The following SEMA3D variants were observed in gnomAD, a reference collection of about 807,000 sequenced individuals.
SEMA3D encodes semaphorin-3D.
In SEMA3D, 84 loss-of-function variants were observed where a neutral mutation model predicts 100.1. The observed-to-expected ratio is 0.84, with a 90% CI of 0.70 to 1.01. The LOEUF (loss-of-function observed/expected upper bound fraction) is 1.01, where lower values mean the gene tolerates loss of function less well. SEMA3D is among the 50% of genes least tolerant of loss of function. The probability of loss-of-function intolerance (pLI) is 0.00; values close to 1 mark genes in which losing one functional copy is unlikely to be tolerated. For synonymous variants in SEMA3D, 312 were observed against 320.7 expected, an observed-to-expected ratio of 0.97 and a Z score of 0.29; for missense variants, 875 against 934.1, an observed-to-expected ratio of 0.94 and a Z score of 0.82.
chr7:85,173,103 A>G (rs1791129846), intron 1 of SEMA3D, among the ~76,000 whole-genome samples: 1 of 151,996 alleles, frequency 6.6e-6, no homozygotes, highest in Non-Finnish European at 1.5e-5. Context: ...GTAAATAACT[A>G]TGCATTGGGT....
the SEMA3D span, among the ~76,000 whole-genome samples, chr7:85,215,233 T>C: frequency 6.6e-6 from 1 of 152,056 alleles, no homozygotes; most frequent in African/African-American, 2.4e-5. Flanking sequence ...CTTTAGAAGT[T>C]GTCTGTGCAA....
chr7:84,999,309 T>G lies in SEMA3D; in HGVS notation c.*131A>C. 1 of 727,788 alleles carries G rather than the reference T, an allele frequency of 1.4e-6. No homozygotes were observed. The highest frequency in any genetic ancestry group is 2.2e-6 in the Non-Finnish European group (1 of 450,294). 45.1% of individuals were successfully genotyped at this position (727,788 alleles called of 1,614,324 possible). A position where few individuals can be genotyped will look rare whatever the true frequency, so the allele number is the denominator to read the frequency against. ...TTCTTATATTCATCACATATTGTCTTATTCAGATTATTGTCTTGTGCCTTA... is the reference window on the plus strand; with the variant it reads ...TTCTTATATTCATCACATATTGTCTGATTCAGATTATTGTCTTGTGCCTTA... On this transcript the variant is annotated 3_prime_UTR_variant, in exon 19 of 19. Coordinates refer to ENST00000284136, the MANE Select transcript of SEMA3D (RefSeq NM_001384900.1).
At chr7:85,060,774 A>AT (rs1392158307) in intron 8 of SEMA3D, among the ~76,000 whole-genome samples, 1 of 152,078 alleles carries the variant, frequency 6.6e-6, no homozygotes, top group Non-Finnish European at 1.5e-5. Context: ...TCCTATTATC[A>AT]TTTTTTGATG....
chr7:85,025,890 T>G lies in SEMA3D; in HGVS notation c.1192-3277A>C, dbSNP rs576481591. ...CTCCTTCCCTCTCCCTCTCCTTTTCTTTAAGGTTCCCTTTCTCTTAAAGGA... is the reference window on the plus strand; with the variant it reads ...CTCCTTCCCTCTCCCTCTCCTTTTCGTTAAGGTTCCCTTTCTCTTAAAGGA... On this transcript the variant is annotated intron_variant, in intron 12 of 18. Transcript: ENST00000284136. Among the ~76,000 whole-genome samples, 10 of 152,144 alleles carry G rather than the reference T, an allele frequency of 6.6e-5. No individual in the cohort carries two copies. The East Asian group carries it at 1.9e-3, about 30-fold the overall frequency.
intron 3 of SEMA3D, among the ~76,000 whole-genome samples, chr7:85,109,405 A>G (rs187716903): frequency 6.6e-6 from 1 of 152,090 alleles, no homozygotes; most frequent in Admixed American, 6.6e-5. Flanking sequence ...GTCTCTACTT[A>G]TATTTCCACT....
intron 2 of SEMA3D, among the ~76,000 whole-genome samples, chr7:85,147,536 G>A (rs190746560): frequency 6.6e-6 from 1 of 151,988 alleles, no homozygotes; most frequent in African/African-American, 2.4e-5. Context: ...TGGTTAAAAA[G>A]CAATTTAATA....
intron 14 of SEMA3D, 51 bp downstream of exon 14, chr7:85,020,182 C>T (rs769826940): frequency 9.1e-6 from 11 of 1,208,406 alleles, no homozygotes; most frequent in African/African-American, 4.5e-5. Flanking sequence ...CTATAACAAG[C>T]GCTACTCAGT....
the SEMA3D span, among the ~76,000 whole-genome samples, chr7:85,219,163 C>T: frequency 6.6e-6 from 1 of 151,938 alleles, no homozygotes; most frequent in African/African-American, 2.4e-5. Context: ...GTGAAGAACC[C>T]TAGGTGAAAG....
intron 4 of SEMA3D, among the ~76,000 whole-genome samples, chr7:85,081,982 C>T (rs1315855777): frequency 6.6e-6 from 1 of 152,190 alleles, no homozygotes; most frequent in Non-Finnish European, 1.5e-5. Flanking sequence ...TTAGAAACAA[C>T]TCTCTGTCAG....
chr7:85,075,523 T>C (rs1372673156), intron 5 of SEMA3D, among the ~76,000 whole-genome samples: 1 of 152,078 alleles, frequency 6.6e-6, no homozygotes, highest in Non-Finnish European at 1.5e-5. Context: ...AGTAGCCTAA[T>C]ATGCCAATTT....
At chr7:85,005,663 C>G (rs1789775622) in intron 18 of SEMA3D, among the ~76,000 whole-genome samples, 1 of 151,828 alleles carries the variant, frequency 6.6e-6, no homozygotes, top group African/African-American at 2.4e-5. Flanking sequence ...CAGCAGCATT[C>G]ACGTTTGGAG....
intron 4 of SEMA3D, among the ~76,000 whole-genome samples, chr7:85,094,748 C>T (rs1788500449): frequency 6.6e-6 from 1 of 151,918 alleles, no homozygotes; most frequent in Admixed American, 6.6e-5. Flanking sequence ...TGGGCATCAT[C>T]TTTCCAGACC....
intron 5 of SEMA3D, among the ~76,000 whole-genome samples, chr7:85,075,860 A>G (rs975812963): frequency 9.9e-5 from 15 of 152,268 alleles, no homozygotes; most frequent in African/African-American, 3.6e-4. Flanking sequence ...AAAAAACTTT[A>G]CAATGACTTC....
chr7:85,057,171 C>T (rs1791345053), intron 8 of SEMA3D, among the ~76,000 whole-genome samples: 2 of 151,950 alleles, frequency 1.3e-5, no homozygotes, highest in Admixed American at 1.3e-4. Context: ...ATATGATGAA[C>T]CTCTTTTCAC....
At chr7:85,220,834 A>G in the SEMA3D span, among the ~76,000 whole-genome samples, 8 of 152,230 alleles carry the variant, frequency 5.3e-5, no homozygotes, top group Admixed American at 2.6e-4. Flanking sequence ...TCTTAAACTG[A>G]TGGTACAATC....
intron 3 of SEMA3D, among the ~76,000 whole-genome samples, chr7:85,119,852 A>G (rs1789357316): frequency 1.3e-5 from 2 of 152,114 alleles, no homozygotes; most frequent in Admixed American, 6.5e-5. Flanking sequence ...CAGAACTGCT[A>G]TATCATTCAG....
At chr7:85,242,921 T>C in the SEMA3D span, among the ~76,000 whole-genome samples, 1 of 152,174 alleles carries the variant, frequency 6.6e-6, no homozygotes, top group Non-Finnish European at 1.5e-5. Flanking sequence ...CATGATGTAG[T>C]AGAGAAAAGG....
At chr7:85,238,598 C>A in the SEMA3D span, among the ~76,000 whole-genome samples, 2 of 152,150 alleles carry the variant, frequency 1.3e-5, no homozygotes, top group East Asian at 1.9e-4. Context: ...ATTACTGGAG[C>A]CTTCTAGTAG....
intron 1 of SEMA3D, among the ~76,000 whole-genome samples, chr7:85,167,929 G>A (rs1452474103): frequency 2.0e-5 from 3 of 151,770 alleles, no homozygotes; most frequent in African/African-American, 7.3e-5. Flanking sequence ...ATAACAAATA[G>A]AAAATGGTAA....
Sources: gnomAD v4.1 joint callset for allele counts (sites outside exome capture counted in the v4.1 genomes callset) on GRCh38, gnomAD v4.1.1 for gene constraint, MANE v1.5 for transcripts, NCBI Gene and HGNC (gene_info 2026-07-23, HGNC 2026-07-21) for gene names.